The following DLGAP5 variants were observed in gnomAD, a reference collection of about 807,000 sequenced individuals.
DLGAP5 encodes the protein disks large-associated protein 5.
A neutral mutation model predicts 99.6 loss-of-function variants in DLGAP5; 90 were observed. That is an observed-to-expected ratio of 0.90 (90% confidence interval 0.76 to 1.08). The LOEUF (loss-of-function observed/expected upper bound fraction) is 1.08, where lower values mean the gene tolerates loss of function less well. DLGAP5 is among the 50% of genes least tolerant of loss of function. The pLI is 0.00. For missense variants in DLGAP5, 1,036 were observed against 983.5 expected, an observed-to-expected ratio of 1.05 and a Z score of -0.71; for synonymous variants, 311 against 321.3, an observed-to-expected ratio of 0.97 and a Z score of 0.34.
intron 5 of DLGAP5, 98 bp downstream of exon 5, chr14:55,181,112 CACA>C: frequency 8.6e-7 from 1 of 1,164,850 alleles, no homozygotes; most frequent in South Asian, 1.5e-5. Flanking sequence ...AAGACTCTGT[CACA>C]AACAAACGAA....
At chr14:55,161,868 C>A (rs1343148156) in intron 13 of DLGAP5, among the ~76,000 whole-genome samples, 3 of 64,906 alleles carry the variant, frequency 4.6e-5, no homozygotes, top group African/African-American at 1.7e-4. Context: ...GAGCCAAACT[C>A]TGTCTCAAAA....
At chr14:55,189,207 C>A (rs1883530077) in intron 1 of DLGAP5, 27 bp from the exon 2 acceptor site, 1 of 1,555,880 alleles carries the variant, frequency 6.4e-7, no homozygotes. Flanking sequence ...CAAAACCCAA[C>A]TTACATGAAT....
At chr14:55,187,355 G>A (rs906673624) in intron 2 of DLGAP5, among the ~76,000 whole-genome samples, 10 of 131,030 alleles carry the variant, frequency 7.6e-5, no homozygotes, top group Admixed American at 3.3e-4. Context: ...GTCTCGCTCT[G>A]TTGCCCAGGC....
chr14:55,181,263 G>A lies in DLGAP5; in HGVS notation c.530C>T (p.Pro177Leu). The change falls in exon 5 of 19, where the codon CCT (proline) becomes CTT (leucine). Residue 177 changes from proline to leucine, a missense_variant. Pro to Leu is a moderately conservative substitution (Grantham distance 98, BLOSUM62 -3). Transcript: ENST00000247191. ...DNESDVRAIR[P>L]GPRQTSEKKV... ...CTTTTCAGAAGTTTGTCTTGGACCA[G>A]GTCGGATTGCTCGAACATCACTCTC... is the stretch of plus-strand genomic sequence containing the variant. The A allele has an allele frequency of 6.2e-7, 1 of 1,614,042 alleles. No homozygotes were observed. The highest frequency in any genetic ancestry group is 2.2e-5 in the East Asian group (1 of 44,882).
At chr14:55,158,986 G>A (rs1365948592) in intron 13 of DLGAP5, among the ~76,000 whole-genome samples, 2 of 150,778 alleles carry the variant, frequency 1.3e-5, no homozygotes, top group Admixed American at 1.3e-4. Flanking sequence ...TAGTAAGAAG[G>A]ATAAATGTCC....
At chr14:55,160,385 ACT>A (rs1882375510) in intron 13 of DLGAP5, among the ~76,000 whole-genome samples, 1 of 148,828 alleles carries the variant, frequency 6.7e-6, no homozygotes, top group Admixed American at 6.7e-5. Context: ...ACACAGCAAG[ACT>A]CTATATAAAA....
At chr14:55,180,566 A>G (rs1303186713) in intron 6 of DLGAP5, 90 bp downstream of exon 6, 28 of 1,558,804 alleles carry the variant, frequency 1.8e-5, no homozygotes, top group East Asian at 2.3e-5. Context: ...CTCCTACTCA[A>G]AGAAGTACTT....
chr14:55,160,735 G>A (rs1052928828), intron 13 of DLGAP5, among the ~76,000 whole-genome samples: 9 of 152,070 alleles, frequency 5.9e-5, no homozygotes, highest in South Asian at 2.1e-4. Flanking sequence ...AAGCCACCAC[G>A]CCTGGCCTAG....
intron 1 of DLGAP5, among the ~76,000 whole-genome samples, chr14:55,189,686 G>A (rs556777881): frequency 6.6e-6 from 1 of 152,308 alleles, no homozygotes; most frequent in Admixed American, 6.5e-5. Flanking sequence ...GAGGCACAGG[G>A]CAAAGTATGT....
intron 10 of DLGAP5, among the ~76,000 whole-genome samples, chr14:55,174,847 C>T (rs897329571): frequency 7.2e-5 from 11 of 152,210 alleles, no homozygotes; most frequent in Admixed American, 6.5e-4. Flanking sequence ...TGCACCACCA[C>T]GCCCGGATAA....
intron 10 of DLGAP5, among the ~76,000 whole-genome samples, chr14:55,172,446 G>A (rs1180986283): frequency 6.7e-6 from 1 of 149,302 alleles, no homozygotes; most frequent in Non-Finnish European, 1.5e-5. Context: ...TAAATGTCTA[G>A]ATATTAGTAC....
At chr14:55,178,971 C>T (rs1273446951) in intron 7 of DLGAP5, among the ~76,000 whole-genome samples, 2 of 152,024 alleles carry the variant, frequency 1.3e-5, no homozygotes, top group African/African-American at 4.8e-5. Flanking sequence ...CACTTGAACC[C>T]GGGGAGCGGA....
intron 9 of DLGAP5, 148 bp downstream of exon 9, chr14:55,175,746 C>A (rs1003732634): frequency 4.3e-6 from 3 of 700,222 alleles, no homozygotes; most frequent in Admixed American, 6.4e-5. Flanking sequence ...GAGTTCACAT[C>A]CCCAAATGAT....
chr14:55,176,962 AG>A (rs1369502936), intron 8 of DLGAP5, 99 bp downstream of exon 8: 1 of 1,034,152 alleles, frequency 9.7e-7, no homozygotes, highest in Non-Finnish European at 1.2e-6. Flanking sequence ...TGGGCGACAG[AG>A]CGAACTCCGT....
intron 1 of DLGAP5, chr14:55,191,228 C>T (rs1360921051): frequency 1.3e-5 from 2 of 152,104 alleles, no homozygotes; most frequent in African/African-American, 4.8e-5. Context: ...AACAGTTTCA[C>T]CCCAAAGGTC....
At chr14:55,158,083 A>T (rs1183564971) in intron 14 of DLGAP5, among the ~76,000 whole-genome samples, 5 of 152,232 alleles carry the variant, frequency 3.3e-5, no homozygotes, top group Non-Finnish European at 4.4e-5. Context: ...ATTTTAAAGC[A>T]CAGCTAGACA....
At chr14:55,166,184 C>T (rs1233616915) in intron 12 of DLGAP5, among the ~76,000 whole-genome samples, 1 of 152,112 alleles carries the variant, frequency 6.6e-6, no homozygotes, top group African/African-American at 2.4e-5. Flanking sequence ...TATATCCATA[C>T]AATGGAAAAC....
At chr14:55,185,950 ATACTT>A (rs1883421641) in intron 2 of DLGAP5, among the ~76,000 whole-genome samples, 1 of 152,232 alleles carries the variant, frequency 6.6e-6, no homozygotes, top group South Asian at 2.1e-4. Context: ...TCATCTCTAA[ATACTT>A]TAGTATATAC....
At chr14:55,169,111 G>A (rs1008150922) in intron 12 of DLGAP5, among the ~76,000 whole-genome samples, 16 of 141,100 alleles carry the variant, frequency 1.1e-4, no homozygotes, top group Non-Finnish European at 1.8e-4. Flanking sequence ...GGGGGGCAGA[G>A]ACAGCAGTGA....
Sources: allele counts gnomAD v4.1 joint callset (sites outside exome capture counted in the v4.1 genomes callset), GRCh38; gene constraint gnomAD v4.1.1; transcripts MANE v1.5; gene names NCBI Gene and HGNC (gene_info 2026-07-23, HGNC 2026-07-21).